BANK1: variants seen among roughly 807,000 people sequenced by gnomAD.
The protein encoded by BANK1 is B cell scaffold protein with ankyrin repeats 1.
A neutral mutation model predicts 94.5 loss-of-function variants in BANK1; 95 were observed. The observed-to-expected ratio is 1.00, with a 90% CI of 0.85 to 1.19. The LOEUF is 1.19. BANK1 is among the 50% of genes most tolerant of loss of function. BANK1 has a pLI of 0.00. For missense variants in BANK1, 987 were observed against 932.2 expected (o/e 1.06, Z -0.77); for synonymous variants, 334 against 308.4 (o/e 1.08, Z -0.87).
chr4:101,990,241 A>T (rs1399598912), intron 7 of BANK1, among the ~76,000 whole-genome samples: 1 of 152,216 alleles, frequency 6.6e-6, no homozygotes, highest in Non-Finnish European at 1.5e-5. Flanking sequence ...AAACAAAACA[A>T]GCAAAACAGC....
At chr4:101,818,926 T>A (rs1726027729) in intron 1 of BANK1, among the ~76,000 whole-genome samples, 1 of 151,184 alleles carries the variant, frequency 6.6e-6, no homozygotes, top group South Asian at 2.1e-4. Flanking sequence ...CAGTTTCAGA[T>A]ACATATATTT....
At chr4:102,008,277 A>T (rs1726370424) in intron 7 of BANK1, among the ~76,000 whole-genome samples, 1 of 152,172 alleles carries the variant, frequency 6.6e-6, no homozygotes, top group African/African-American at 2.4e-5. Flanking sequence ...CATCTGTAGG[A>T]TGAAGGCCAG....
At chr4:102,012,232 A>G (rs1328027361) in intron 7 of BANK1, among the ~76,000 whole-genome samples, 4 of 152,154 alleles carry the variant, frequency 2.6e-5, no homozygotes, top group Non-Finnish European at 5.9e-5. Flanking sequence ...ACTTTTATCT[A>G]TCTTGACTTA....
chr4:102,067,923 A>G (rs1292684275), intron 13 of BANK1, among the ~76,000 whole-genome samples: 1 of 152,092 alleles, frequency 6.6e-6, no homozygotes, highest in Non-Finnish European at 1.5e-5. Context: ...GTAAATTTCT[A>G]AAGACTGAAA....
At chr4:101,974,529 C>A (rs192789510) in intron 7 of BANK1, among the ~76,000 whole-genome samples, 22 of 152,240 alleles carry the variant, frequency 1.4e-4, no homozygotes, top group South Asian at 1.0e-3. Context: ...ATAATAACAA[C>A]CTTCCACTGT....
At chr4:101,940,596 T>C (rs750818622) in intron 7 of BANK1, among the ~76,000 whole-genome samples, 4 of 151,824 alleles carry the variant, frequency 2.6e-5, no homozygotes, top group African/African-American at 9.7e-5. Flanking sequence ...TCTCAGACTT[T>C]CCTTGTGTTT....
intron 6 of BANK1, among the ~76,000 whole-genome samples, chr4:101,914,280 T>C (rs547703163): frequency 2.0e-5 from 3 of 152,206 alleles, no homozygotes; most frequent in South Asian, 4.2e-4. Context: ...TCATAAGTCA[T>C]AGACTTGAAT....
intron 5 of BANK1, among the ~76,000 whole-genome samples, chr4:101,885,021 G>A (rs765974371): frequency 1.5e-4 from 23 of 152,270 alleles, no homozygotes; most frequent in Non-Finnish European, 2.9e-4. Flanking sequence ...TGGTTGAAGC[G>A]ATTCTCCTGC....
intron 7 of BANK1, among the ~76,000 whole-genome samples, chr4:101,920,020 T>A (rs908182897): frequency 6.6e-6 from 1 of 152,030 alleles, no homozygotes; most frequent in African/African-American, 2.4e-5. Context: ...AAAATAAATT[T>A]GGAAGTCATA....
intron 7 of BANK1, among the ~76,000 whole-genome samples, chr4:101,930,972 G>A (rs943094476): frequency 2.0e-5 from 3 of 151,566 alleles, no homozygotes; most frequent in Non-Finnish European, 3.0e-5. Flanking sequence ...AGTTTTACCT[G>A]TGTTTTATGC....
intron 6 of BANK1, among the ~76,000 whole-genome samples, chr4:101,896,563 A>G (rs1722086761): frequency 6.6e-6 from 1 of 151,982 alleles, no homozygotes; most frequent in Non-Finnish European, 1.5e-5. Context: ...GTCTTGTGAA[A>G]TTAGCGACAT....
chr4:102,000,213 C>T (rs576070065), intron 7 of BANK1, among the ~76,000 whole-genome samples: 2 of 150,336 alleles, frequency 1.3e-5, no homozygotes, highest in South Asian at 4.3e-4. Context: ...TTCCCAGCTA[C>T]TCAGGAGGCT....
At chr4:102,009,409 A>T (rs1726409740) in intron 7 of BANK1, among the ~76,000 whole-genome samples, 1 of 152,138 alleles carries the variant, frequency 6.6e-6, no homozygotes, top group African/African-American at 2.4e-5. Flanking sequence ...CAGATGCCCT[A>T]CCTCTGCCTC....
intron 6 of BANK1, 122 bp downstream of exon 6, chr4:101,895,532 C>T (rs1230285677): frequency 5.1e-6 from 3 of 583,120 alleles, no homozygotes; most frequent in Non-Finnish European, 9.0e-6. Flanking sequence ...ATTTAGACAA[C>T]TCCTGACTCC....
chr4:101,910,763 T>A (rs914220442), intron 6 of BANK1, among the ~76,000 whole-genome samples: 1 of 146,268 alleles, frequency 6.8e-6, no homozygotes, highest in East Asian at 2.0e-4. Flanking sequence ...CATCTAAAAA[T>A]ATGTTTTCCC....
chr4:101,934,718 A>G (rs1335206587), intron 7 of BANK1, among the ~76,000 whole-genome samples: 3 of 151,602 alleles, frequency 2.0e-5, no homozygotes, highest in African/African-American at 7.3e-5. Context: ...CAATTCATAA[A>G]TAAATGGACA....
rs1725012119 is a variant in BANK1, at chr4:101,792,255, T to TTC, written c.70+1305_70+1306insTC. Among the ~76,000 whole-genome samples, 2 of 128,662 alleles carry TTC rather than the reference T, an allele frequency of 1.6e-5. 1 individual carries two copies. The highest frequency in any genetic ancestry group is 3.3e-5 in the Non-Finnish European group (2 of 60,004). 84.4% of individuals were successfully genotyped at this position (128,662 alleles called of 152,430 possible). ...TTCTTGTTCCTCCCATGCATTCCGC[T>TTC]CCCCCCCCGCCCCGCCCCTCCCAAC... On this transcript the variant is annotated intron_variant, in intron 1 of 16. Transcript: ENST00000322953.
chr4:101,969,659 C>A (rs537813235), intron 7 of BANK1, among the ~76,000 whole-genome samples: 12 of 152,000 alleles, frequency 7.9e-5, no homozygotes, highest in African/African-American at 2.4e-4. Flanking sequence ...AATTTGCTGT[C>A]CAAATGTATT....
At chr4:101,843,176 T>A (rs1254735000) in intron 2 of BANK1, among the ~76,000 whole-genome samples, 1 of 152,250 alleles carries the variant, frequency 6.6e-6, no homozygotes, top group Non-Finnish European at 1.5e-5. Context: ...ACTTTTTTAA[T>A]GTACCATCTT....
Sources: gnomAD v4.1 joint callset for allele counts (sites outside exome capture counted in the v4.1 genomes callset) on GRCh38, gnomAD v4.1.1 for gene constraint, MANE v1.5 for transcripts, NCBI Gene and HGNC (gene_info 2026-07-23, HGNC 2026-07-21) for gene names.